ARHGEF4: variants seen among roughly 807,000 people sequenced by gnomAD.
The protein encoded by ARHGEF4 is Rho guanine nucleotide exchange factor 4, also known as APC-stimulated guanine nucleotide exchange factor 1.
ARHGEF4 carries 119 observed loss-of-function variants against 162.0 expected under a neutral mutation model. The ratio of observed to expected loss-of-function variants is 0.73; its 90% CI spans 0.63 to 0.86. The LOEUF (loss-of-function observed/expected upper bound fraction) is 0.86. ARHGEF4 is among the 40% of genes least tolerant of loss of function. The probability of loss-of-function intolerance (pLI) is 0.00; values close to 1 mark genes in which losing one functional copy is unlikely to be tolerated. For synonymous variants in ARHGEF4, 1,014 were observed against 979.9 expected, an observed-to-expected ratio of 1.03 and a Z score of -0.65; for missense variants, 2,488 against 2,456.0, an observed-to-expected ratio of 1.01 and a Z score of -0.28.
chr2:130,965,693 C>T lies in ARHGEF4; in HGVS notation c.3985+19058C>T, dbSNP rs566639438. Among the ~76,000 whole-genome samples, 5 of 152,296 alleles carry T rather than the reference C, an allele frequency of 3.3e-5. No individual in the cohort carries two copies. In the South Asian group the frequency reaches 6.2e-4, roughly 19 times the overall value. ...GGGACACCTCCTCCTTTCTTTCTTC[C>T]TTCTGTCCCAGGGTAAGTGCGCCAG... On this transcript the variant is annotated intron_variant, in intron 4 of 13. Coordinates refer to ENST00000409359, the MANE Select transcript of ARHGEF4 (RefSeq NM_001367493.1).
At chr2:130,912,950 T>C (rs1489929736) in intron 1 of ARHGEF4, among the ~76,000 whole-genome samples, 1 of 152,232 alleles carries the variant, frequency 6.6e-6, no homozygotes, top group Non-Finnish European at 1.5e-5. Flanking sequence ...TCTATTGTTA[T>C]AATTGTTCTA....
chr2:131,045,316 T>G lies in ARHGEF4; in HGVS notation c.5402-53T>G, dbSNP rs555401057. The G allele has an allele frequency of 6.1e-5, 95 of 1,551,674 alleles. 2 individuals carry two copies. The South Asian group carries it at 1.1e-3, about 18-fold the overall frequency. On this transcript the variant is annotated intron_variant, in intron 12 of 13. Transcript: ENST00000409359. The stretch of plus-strand genomic sequence containing the variant: ...AGGAAGGTGCAGGTGTGCAGGGAAC[T>G]GCACCTGGGGCCACGAAGTGGGGCA...
chr2:130,951,364 T>C (rs1403041485), intron 4 of ARHGEF4, among the ~76,000 whole-genome samples: 1 of 152,262 alleles, frequency 6.6e-6, no homozygotes, highest in Non-Finnish European at 1.5e-5. Flanking sequence ...GTTAGAGATA[T>C]GTGACTCTTC....
At chr2:131,001,568 G>A (rs531871203) in intron 4 of ARHGEF4, among the ~76,000 whole-genome samples, 1 of 152,164 alleles carries the variant, frequency 6.6e-6, no homozygotes, top group Admixed American at 6.5e-5. Flanking sequence ...TCTTATAAAT[G>A]GTGAGTAAAT....
intron 5 of ARHGEF4, among the ~76,000 whole-genome samples, chr2:131,038,553 C>G (rs984988137): frequency 5.3e-5 from 8 of 152,202 alleles, no homozygotes; most frequent in Non-Finnish European, 1.2e-4. Context: ...AGCCTTGCAG[C>G]CCCCAGGAAT....
In ARHGEF4 at chr2:130,914,089, C is replaced by T. The variant is rs1212603450; in HGVS notation, c.143C>T (p.Thr48Ile). 1 of 1,536,148 alleles carries T rather than the reference C, an allele frequency of 6.5e-7. No individual in the cohort carries two copies. The highest frequency in any genetic ancestry group is 1.4e-5 in the African/African-American group (1 of 73,164). The stretch of plus-strand genomic sequence containing the variant: ...GTGGAGCAGGGATGGAACCAGCAAA[C>T]AGACCGCGATGATTCTGAAACGCTG... ...EQVEQGWNQQTDRDDSETLSQ... is the reference protein window; with the variant it reads ...EQVEQGWNQQIDRDDSETLSQ... The change falls in exon 2 of 14, where the codon ACA becomes ATA. Residue 48 changes from threonine (T) to isoleucine (I), a missense_variant. Physicochemically the swap from Thr to Ile is moderately conservative, Grantham distance 89 (BLOSUM62 -1). Around this residue, in one of 6 missense-constraint regions of ARHGEF4, gnomAD observed 171 missense variants for 169.4 expected, o/e 1.01. Coordinates refer to ENST00000409359, the MANE Select transcript of ARHGEF4 (RefSeq NM_001367493.1).
intron 4 of ARHGEF4, among the ~76,000 whole-genome samples, chr2:131,018,273 A>G (rs1688883545): frequency 6.6e-6 from 1 of 152,200 alleles, no homozygotes; most frequent in Non-Finnish European, 1.5e-5. Flanking sequence ...TGTAATGACC[A>G]TACTAAGGAT....
intron 1 of ARHGEF4, among the ~76,000 whole-genome samples, chr2:130,897,199 C>T (rs949409731): frequency 6.6e-6 from 1 of 152,168 alleles, no homozygotes; most frequent in South Asian, 2.1e-4. Context: ...GTAAAATGTA[C>T]GTGCCCTCAC....
In ARHGEF4 at chr2:131,045,376, C is replaced by T; in HGVS notation, c.5409C>T (p.Ser1803=). The change falls in exon 13 of 14, where the codon TCC becomes TCT. Residue 1803 remains serine (S), a synonymous_variant. Coordinates refer to ENST00000409359, the MANE Select transcript of ARHGEF4 (RefSeq NM_001367493.1). Reference sequence around the variant, plus strand: ...CCTGTGCCCCTTCCTCAGGCTTCTCCATCACTGAACTGCAGAGGAAGCAGG... The same window carrying T: ...CCTGTGCCCCTTCCTCAGGCTTCTCTATCACTGAACTGCAGAGGAAGCAGG... ...QVQLDQETGF[S]ITELQRKQAM... The T allele has an allele frequency of 6.2e-7, 1 of 1,613,078 alleles. No individual in the cohort carries two copies. The highest frequency in any genetic ancestry group is 8.5e-7 in the Non-Finnish European group (1 of 1,179,784).
chr2:130,904,742 G>C (rs1198868342), intron 1 of ARHGEF4, among the ~76,000 whole-genome samples: 1 of 150,870 alleles, frequency 6.6e-6, no homozygotes, highest in Non-Finnish European at 1.5e-5. Context: ...TAATTTAACT[G>C]TTTTATGTGG....
At chr2:131,038,511 C>CA (rs1477618157) in intron 5 of ARHGEF4, among the ~76,000 whole-genome samples, 1 of 150,904 alleles carries the variant, frequency 6.6e-6, no homozygotes, top group Non-Finnish European at 1.5e-5. Flanking sequence ...CTCCCTCCTG[C>CA]AGCCTTGCAG....
intron 4 of ARHGEF4, among the ~76,000 whole-genome samples, chr2:131,014,801 A>G (rs1381357659): frequency 2.6e-5 from 4 of 152,180 alleles, no homozygotes; most frequent in Non-Finnish European, 4.4e-5. Context: ...TCTTACCTTC[A>G]GTGAGATGGC....
At chr2:130,837,668 G>C (rs758178734) in intron 1 of ARHGEF4, 2 of 441,718 alleles carry the variant, frequency 4.5e-6, no homozygotes, top group East Asian at 1.6e-4. Context: ...GTCAGGGGTG[G>C]CCGGCCACAG....
intron 6 of ARHGEF4, 118 bp downstream of exon 6, chr2:131,039,150 G>A: frequency 7.5e-7 from 1 of 1,332,820 alleles, no homozygotes; most frequent in Non-Finnish European, 1.0e-6. Context: ...CTGGGTGGTG[G>A]GTGTCGGGGC....
In ARHGEF4 at chr2:131,040,262, G is replaced by A. The variant is rs1435113025; in HGVS notation, c.4484G>A (p.Gly1495Asp). 3.1e-6 allele frequency: 5 copies of A among 1,612,340 alleles called. No individual in the cohort carries two copies. Among genetic ancestry groups the A allele is most frequent in the African/African-American group, 1.3e-5 (1 of 74,914 alleles). ...AGGCCTAACCACGTCCGCCCGCAGGGCTACGTCCGGCAGTGCCGCAAGCGC... is the reference window on the plus strand; with the variant it reads ...AGGCCTAACCACGTCCGCCCGCAGGACTACGTCCGGCAGTGCCGCAAGCGC... ...YIKHLRDICE[G>D]YVRQCRKRAD... is the part of the protein sequence containing the mutation. Residue 1495 changes from glycine (G) to aspartate (D), a missense_variant and splice_region_variant, in exon 8 of 14, where the codon GGC becomes GAC. Gly to Asp is a moderately conservative substitution (Grantham distance 94, BLOSUM62 -1). Around this residue, in one of 6 missense-constraint regions of ARHGEF4, gnomAD observed 415 missense variants for 512.4 expected, o/e 0.81. Coordinates refer to ENST00000409359, the MANE Select transcript of ARHGEF4 (RefSeq NM_001367493.1).
At chr2:130,901,601 A>C (rs1574192011) in intron 1 of ARHGEF4, among the ~76,000 whole-genome samples, 1 of 150,850 alleles carries the variant, frequency 6.6e-6, no homozygotes, top group African/African-American at 2.4e-5. Context: ...GCTCACTGCA[A>C]CCTCTGCCTC....
At chr2:130,839,636 C>T (rs902848569) in intron 1 of ARHGEF4, among the ~76,000 whole-genome samples, 2 of 152,094 alleles carry the variant, frequency 1.3e-5, no homozygotes, top group Non-Finnish European at 2.9e-5. Flanking sequence ...ACAGGTGCGC[C>T]GCCTTGGGGG....
intron 1 of ARHGEF4, among the ~76,000 whole-genome samples, chr2:130,885,586 T>TAG (rs1679470053): frequency 6.8e-6 from 1 of 146,988 alleles, no homozygotes; most frequent in Admixed American, 6.8e-5. Context: ...TTTTTTTTTT[T>TAG]TTAGATGGAG....
chr2:130,976,966 G>C (rs867301864), intron 4 of ARHGEF4, among the ~76,000 whole-genome samples: 4 of 151,830 alleles, frequency 2.6e-5, no homozygotes, highest in Middle Eastern at 6.8e-3. Flanking sequence ...GTGTGTTAGT[G>C]TGCATGGTGT....
Sources: gnomAD v4.1 joint callset for allele counts (sites outside exome capture counted in the v4.1 genomes callset) on GRCh38, gnomAD v4.1.1 for gene constraint, gnomAD v4.1.1 regional missense constraint, MANE v1.5 for transcripts, NCBI Gene and HGNC (gene_info 2026-07-23, HGNC 2026-07-21) for gene names.